Variants in SLC44A5 observed in about 807,000 individuals in gnomAD.
SLC44A5 encodes choline transporter-like protein 5.
SLC44A5 carries 57 observed loss-of-function variants against 101.8 expected under a neutral mutation model. The ratio of observed to expected loss-of-function variants is 0.56; its 90% confidence interval spans 0.45 to 0.70. SLC44A5 has a LOEUF of 0.70. SLC44A5 is among the 30% of genes least tolerant of loss of function. The probability of loss-of-function intolerance (pLI) is 0.00; values close to 1 mark genes in which losing one functional copy is unlikely to be tolerated. For synonymous variants in SLC44A5, 281 were observed against 290.9 expected, an observed-to-expected ratio of 0.97 and a Z score of 0.35; for missense variants, 737 against 853.1, an observed-to-expected ratio of 0.86 and a Z score of 1.70.
At chr1:75,550,832 T>C (rs757262060) in intron 1 of SLC44A5, among the ~76,000 whole-genome samples, 10 of 152,136 alleles carry the variant, frequency 6.6e-5, no homozygotes, top group Non-Finnish European at 5.9e-5. Flanking sequence ...AATGAAGGGC[T>C]TAGCTTTGGA....
chr1:75,658,963 C>T, the SLC44A5 span, among the ~76,000 whole-genome samples: 39,229 of 151,786 alleles, frequency 0.26, 5,404 homozygotes, highest in Middle Eastern at 0.37. Flanking sequence ...ATACCACAGA[C>T]ATATAAAGGA....
chr1:75,633,113 A>G, the SLC44A5 span, among the ~76,000 whole-genome samples: 1 of 152,096 alleles, frequency 6.6e-6, no homozygotes, highest in Non-Finnish European at 1.5e-5. Context: ...TTACTCAACA[A>G]ATGTTTGTTG....
At chr1:75,328,410 C>T (rs143918413) in intron 4 of SLC44A5, among the ~76,000 whole-genome samples, 1,636 of 152,220 alleles carry the variant, frequency 0.011, 10 homozygotes, top group Non-Finnish European at 0.018. Flanking sequence ...CAGTTACAAA[C>T]ATTTTAGTTG....
intron 4 of SLC44A5, among the ~76,000 whole-genome samples, chr1:75,330,102 TATATACACAC>T (rs1265188850): frequency 3.6e-4 from 52 of 142,476 alleles, no homozygotes; most frequent in Admixed American, 7.7e-4. Context: ...GAAATATATA[TATATACACAC>T]ACACACACAC....
chr1:75,696,619 G>C, the SLC44A5 span, among the ~76,000 whole-genome samples: 1 of 152,230 alleles, frequency 6.6e-6, no homozygotes, highest in Non-Finnish European at 1.5e-5. Flanking sequence ...ACATCGGCCA[G>C]GTGCGGTGGC....
chr1:75,209,795 T>C (rs539855983), intron 23 of SLC44A5, among the ~76,000 whole-genome samples: 74 of 152,322 alleles, frequency 4.9e-4, no homozygotes, highest in African/African-American at 1.6e-3. Flanking sequence ...CTGTAAATTT[T>C]ATACAAGTGG....
chr1:75,493,352 G>A (rs1570442385), intron 2 of SLC44A5, among the ~76,000 whole-genome samples: 3 of 152,012 alleles, frequency 2.0e-5, no homozygotes. Context: ...GCCAGATATC[G>A]AACAATACAA....
intron 3 of SLC44A5, among the ~76,000 whole-genome samples, chr1:75,385,489 T>C (rs893410885): frequency 3.3e-5 from 5 of 151,760 alleles, no homozygotes; most frequent in South Asian, 2.1e-4. Context: ...ACACATACAC[T>C]CTCCCAAGAC....
At chr1:75,680,142 G>C in the SLC44A5 span, among the ~76,000 whole-genome samples, 1 of 152,112 alleles carries the variant, frequency 6.6e-6, no homozygotes, top group Non-Finnish European at 1.5e-5. Context: ...AAGAGACTTA[G>C]ACTCCCACAC....
At chr1:75,369,371 T>C (rs1660079618) in intron 3 of SLC44A5, among the ~76,000 whole-genome samples, 1 of 152,138 alleles carries the variant, frequency 6.6e-6, no homozygotes, top group Non-Finnish European at 1.5e-5. Flanking sequence ...CTCCATATAG[T>C]ATCAGAGAAA....
At chr1:75,563,771 T>C (rs189544259) in intron 1 of SLC44A5, among the ~76,000 whole-genome samples, 276 of 152,264 alleles carry the variant, frequency 1.8e-3, no homozygotes, top group African/African-American at 6.2e-3. Context: ...ATAACATAGT[T>C]GTTCTATTGC....
chr1:75,305,891 C>T (rs1221727500), intron 4 of SLC44A5, among the ~76,000 whole-genome samples: 2 of 152,182 alleles, frequency 1.3e-5, no homozygotes, highest in Non-Finnish European at 2.9e-5. Flanking sequence ...ACCTAGGGAA[C>T]TTTTGTTTGT....
chr1:75,265,445 T>C (rs968580029), intron 6 of SLC44A5, among the ~76,000 whole-genome samples: 3 of 152,038 alleles, frequency 2.0e-5, no homozygotes, highest in Non-Finnish European at 2.9e-5. Flanking sequence ...GGGTTAATGG[T>C]TAATGGGTAC....
intron 2 of SLC44A5, among the ~76,000 whole-genome samples, chr1:75,515,469 C>A (rs1403244279): frequency 2.0e-5 from 3 of 152,172 alleles, no homozygotes; most frequent in African/African-American, 7.2e-5. Flanking sequence ...CACCATTCTA[C>A]CTTCCGCTTC....
chr1:75,403,184 C>T (rs1662613438), intron 2 of SLC44A5, among the ~76,000 whole-genome samples: 1 of 152,220 alleles, frequency 6.6e-6, no homozygotes, highest in African/African-American at 2.4e-5. Flanking sequence ...GAAAGAAAGG[C>T]AGCAGCCCCA....
chr1:75,266,992 T>TA (rs1447183788), intron 6 of SLC44A5, among the ~76,000 whole-genome samples: 1 of 152,178 alleles, frequency 6.6e-6, no homozygotes, highest in East Asian at 1.9e-4. Context: ...ATTTTAGACT[T>TA]AAAATAGCAC....
At chr1:75,355,459 T>C (rs1177044561) in intron 3 of SLC44A5, among the ~76,000 whole-genome samples, 2 of 152,076 alleles carry the variant, frequency 1.3e-5, no homozygotes, top group African/African-American at 4.8e-5. Context: ...AAAAGTCAAA[T>C]GAGATCATGA....
intron 5 of SLC44A5, among the ~76,000 whole-genome samples, chr1:75,285,773 T>G (rs1652989312): frequency 1.3e-5 from 2 of 152,112 alleles, no homozygotes; most frequent in South Asian, 4.1e-4. Context: ...TGTATTTGCA[T>G]GGTTTTGAGA....
At chr1:75,682,995 A>G in the SLC44A5 span, among the ~76,000 whole-genome samples, 1 of 152,204 alleles carries the variant, frequency 6.6e-6, no homozygotes, top group Non-Finnish European at 1.5e-5. Context: ...GCCAAAAAAC[A>G]CATGAAAAAA....
Sources: allele counts gnomAD v4.1 joint callset (sites outside exome capture counted in the v4.1 genomes callset), GRCh38; gene constraint gnomAD v4.1.1; transcripts MANE v1.5; gene names NCBI Gene and HGNC (gene_info 2026-07-23, HGNC 2026-07-21).